The following PPARG variants were observed in gnomAD, a reference collection of about 807,000 sequenced individuals.
The protein encoded by PPARG is peroxisome proliferator activated receptor gamma.
PPARG carries 17 observed loss-of-function variants against 39.2 expected under a neutral mutation model. The observed-to-expected ratio is 0.43, with a 90% CI of 0.30 to 0.65. The LOEUF (loss-of-function observed/expected upper bound fraction) is 0.65. Ranked by LOEUF, PPARG falls within the 30% of genes least tolerant of loss-of-function variation. The pLI is 0.13. For missense variants in PPARG, 406 were observed against 585.9 expected, an observed-to-expected ratio of 0.69 and a Z score of 3.17; for synonymous variants, 223 against 215.7, an observed-to-expected ratio of 1.03 and a Z score of -0.30.
chr3:12,402,040 A>C (rs2050493737), intron 5 of PPARG, among the ~76,000 whole-genome samples: 1 of 152,202 alleles, frequency 6.6e-6, no homozygotes, highest in South Asian at 2.1e-4. Context: ...TGTCCATTTA[A>C]ATTAACTTTT....
intron 2 of PPARG, among the ~76,000 whole-genome samples, chr3:12,368,371 A>G (rs1268205914): frequency 6.6e-6 from 1 of 151,498 alleles, no homozygotes; most frequent in Admixed American, 6.6e-5. Context: ...TGGTAGAGAC[A>G]GGGTTTCACC....
intron 2 of PPARG, among the ~76,000 whole-genome samples, chr3:12,377,692 A>G (rs968451754): frequency 9.1e-4 from 139 of 152,300 alleles, no homozygotes; most frequent in Middle Eastern, 3.4e-3. Context: ...TTGGGCTTCT[A>G]ATTTCAAGAG....
intron 2 of PPARG, among the ~76,000 whole-genome samples, chr3:12,325,489 TACTC>T (rs547477233): frequency 2.6e-5 from 4 of 151,902 alleles, no homozygotes; most frequent in Non-Finnish European, 4.4e-5. Flanking sequence ...TAGTCCCAGA[TACTC>T]GGGAGGCTGA....
rs530140238 is a variant in PPARG, at chr3:12,388,396, G to A, written c.391-4218G>A. Among the ~76,000 whole-genome samples the A allele has an allele frequency of 9.8e-5, 15 of 152,352 alleles. No homozygotes were observed. The South Asian group carries it at 1.0e-3, about 11-fold the overall frequency. On this transcript the variant is annotated intron_variant, in intron 4 of 7. Coordinates refer to ENST00000651735, the MANE Select transcript of PPARG (RefSeq NM_138711.6). ...GCAGGTCAGGGTTTTCCCCATGATA[G>A]ATGCCCAGAGAGGTACAGTGGTGAG...
chr3:12,422,709 G>A (rs752175719), intron 7 of PPARG, among the ~76,000 whole-genome samples: 11 of 151,828 alleles, frequency 7.2e-5, no homozygotes, highest in Admixed American at 2.6e-4. Context: ...GGGAGGCTTC[G>A]TCTCTACAAA....
At chr3:12,358,951 C>T (rs1381374943) in intron 2 of PPARG, among the ~76,000 whole-genome samples, 2 of 152,154 alleles carry the variant, frequency 1.3e-5, no homozygotes, top group African/African-American at 4.8e-5. Flanking sequence ...CTTGGGATTT[C>T]AATATGAATG....
chr3:12,345,396 A>AT (rs1322814036), intron 2 of PPARG, among the ~76,000 whole-genome samples: 1 of 152,226 alleles, frequency 6.6e-6, no homozygotes, highest in Non-Finnish European at 1.5e-5. Flanking sequence ...ATTCCTCCAC[A>AT]TTAAGTGATT....
At chr3:12,312,570 TATA>T (rs748397666) in intron 2 of PPARG, 117 bp downstream of exon 2, 3 of 152,228 alleles carry the variant, frequency 2.0e-5, no homozygotes, top group Non-Finnish European at 4.4e-5. Context: ...TTTTGACTAT[TATA>T]ATACTTTCTG....
At chr3:12,354,944 A>T (rs752455929) in intron 2 of PPARG, among the ~76,000 whole-genome samples, 16 of 152,196 alleles carry the variant, frequency 1.1e-4, no homozygotes, top group South Asian at 4.2e-4. Context: ...TTTGTGTCTA[A>T]TTTTTTTAAA....
At chr3:12,399,198 A>G in intron 5 of PPARG, 2 of 379,220 alleles carry the variant, frequency 5.3e-6, no homozygotes. Flanking sequence ...ATTGAGTTAG[A>G]AGGTGAGCTG....
chr3:12,319,964 A>C (rs765120813), intron 2 of PPARG, among the ~76,000 whole-genome samples: 3 of 152,210 alleles, frequency 2.0e-5, no homozygotes, highest in Non-Finnish European at 4.4e-5. Flanking sequence ...CCAAATGAAT[A>C]AATCAAAATA....
In PPARG at chr3:12,421,266, T is replaced by C. The variant is rs973942367; in HGVS notation, c.1180+4112T>C. Among the ~76,000 whole-genome samples the C allele has an allele frequency of 2.0e-5, 3 of 152,222 alleles. No individual in the cohort carries two copies. In the East Asian group the frequency reaches 5.8e-4, roughly 29 times the overall value. ...TCACTATATCCCTAAGGTAGGCCCA[T>C]ACCTAGAAGCCAGGAACAGCGCTTC... On this transcript the variant is annotated intron_variant, in intron 7 of 7. Coordinates refer to ENST00000651735, the MANE Select transcript of PPARG (RefSeq NM_138711.6).
chr3:12,431,130 A>G (rs1252021827), intron 7 of PPARG, among the ~76,000 whole-genome samples: 1 of 152,222 alleles, frequency 6.6e-6, no homozygotes, highest in Admixed American at 6.5e-5. Context: ...TGTCTTCTTG[A>G]TGAGCCTGAC....
chr3:12,379,964 A>G (rs763228361), intron 3 of PPARG, 33 bp downstream of exon 3: 3 of 1,531,438 alleles, frequency 2.0e-6, no homozygotes, highest in Non-Finnish European at 2.7e-6. Flanking sequence ...TCAGACTACT[A>G]GGACTAGAAT....
intron 6 of PPARG, among the ~76,000 whole-genome samples, chr3:12,409,836 G>A (rs1045046253): frequency 1.3e-5 from 2 of 152,074 alleles, no homozygotes; most frequent in East Asian, 1.9e-4. Context: ...TGTAGAATGC[G>A]CCCTGCCCGC....
At chr3:12,427,097 C>T (rs536598984) in intron 7 of PPARG, among the ~76,000 whole-genome samples, 5 of 146,686 alleles carry the variant, frequency 3.4e-5, no homozygotes, top group Admixed American at 6.9e-5. Context: ...GACCAAGCTC[C>T]GATTCAAATT....
chr3:12,349,103 A>G (rs1172305244), intron 2 of PPARG, among the ~76,000 whole-genome samples: 1 of 152,184 alleles, frequency 6.6e-6, no homozygotes, highest in Non-Finnish European at 1.5e-5. Context: ...CAATGAAAAG[A>G]TCACTCTTTT....
intron 2 of PPARG, among the ~76,000 whole-genome samples, chr3:12,326,385 C>CAA (rs10665975): frequency 0.25 from 38,232 of 152,076 alleles, 4,910 homozygotes; most frequent in East Asian, 0.33. Context: ...TTTAATACTT[C>CAA]ATACAGTGGA....
chr3:12,400,911 G>C (rs1208590077), intron 5 of PPARG, among the ~76,000 whole-genome samples: 2 of 152,162 alleles, frequency 1.3e-5, no homozygotes, highest in Admixed American at 6.5e-5. Flanking sequence ...TTGTCACTGA[G>C]CTGAAACTAG....
Sources: allele counts gnomAD v4.1 joint callset (sites outside exome capture counted in the v4.1 genomes callset), GRCh38; gene constraint gnomAD v4.1.1; transcripts MANE v1.5; gene names NCBI Gene and HGNC (gene_info 2026-07-23, HGNC 2026-07-21).